The following KHDRBS2 variants were observed in gnomAD, a reference collection of about 807,000 sequenced individuals.
The protein encoded by KHDRBS2 is KH domain-containing, RNA-binding, signal transduction-associated protein 2.
In KHDRBS2, 26 loss-of-function variants were observed where a neutral mutation model predicts 44.3. That is an observed-to-expected ratio of 0.59 (90% CI 0.43 to 0.81). The LOEUF (loss-of-function observed/expected upper bound fraction) is 0.81, where lower values mean the gene tolerates loss of function less well. KHDRBS2 is among the 40% of genes least tolerant of loss of function. The probability of loss-of-function intolerance (pLI) is 0.00; values close to 1 mark genes in which losing one functional copy is unlikely to be tolerated. For synonymous variants in KHDRBS2, 194 were observed against 151.1 expected (o/e 1.28, Z -2.08); for missense variants, 476 against 433.1 (o/e 1.10, Z -0.88).
At chr6:62,077,691 G>A (rs576246877) in intron 2 of KHDRBS2, among the ~76,000 whole-genome samples, 34 of 151,920 alleles carry the variant, frequency 2.2e-4, no homozygotes, top group Non-Finnish European at 2.5e-4. Flanking sequence ...TTGAACTACC[G>A]CAGCAACTGA....
chr6:61,759,935 G>C (rs929500929), intron 6 of KHDRBS2, among the ~76,000 whole-genome samples: 4 of 152,126 alleles, frequency 2.6e-5, no homozygotes, highest in African/African-American at 9.7e-5. Context: ...TTAAAGGTCT[G>C]AGCCTTTGGG....
At chr6:61,775,808 G>T (rs1202663349) in intron 6 of KHDRBS2, among the ~76,000 whole-genome samples, 3 of 152,082 alleles carry the variant, frequency 2.0e-5, no homozygotes, top group Admixed American at 2.0e-4. Flanking sequence ...ATTTCATATG[G>T]AACCAAAATG....
intron 2 of KHDRBS2, among the ~76,000 whole-genome samples, chr6:62,151,243 CCTGATT>C (rs1249442613): frequency 6.6e-6 from 1 of 152,090 alleles, no homozygotes; most frequent in Non-Finnish European, 1.5e-5. Flanking sequence ...AAAACTTGCC[CCTGATT>C]AAGTGGCCAA....
At chr6:62,069,241 T>C (rs765691469) in intron 2 of KHDRBS2, among the ~76,000 whole-genome samples, 2 of 151,670 alleles carry the variant, frequency 1.3e-5, no homozygotes, top group Admixed American at 6.6e-5. Flanking sequence ...TTGTATATCA[T>C]ATGTGTTATA....
At chr6:61,665,287 C>G in the KHDRBS2 span, among the ~76,000 whole-genome samples, 2 of 151,404 alleles carry the variant, frequency 1.3e-5, no homozygotes, top group African/African-American at 4.8e-5. Flanking sequence ...ACATAAATCA[C>G]TGGTTTTAAA....
At chr6:61,861,577 CT>C (rs112714512) in intron 6 of KHDRBS2, among the ~76,000 whole-genome samples, 6 of 150,854 alleles carry the variant, frequency 4.0e-5, no homozygotes, top group African/African-American at 1.2e-4. Context: ...GTCTATGTGT[CT>C]TTTTTTTGTA....
At chr6:61,810,742 A>G (rs1328558537) in intron 6 of KHDRBS2, among the ~76,000 whole-genome samples, 2 of 152,108 alleles carry the variant, frequency 1.3e-5, no homozygotes, top group African/African-American at 2.4e-5. Flanking sequence ...GGGACTGAGA[A>G]TTGAATAAAA....
chr6:61,976,162 G>T (rs571680505), intron 4 of KHDRBS2, among the ~76,000 whole-genome samples: 33 of 152,072 alleles, frequency 2.2e-4, no homozygotes, highest in Non-Finnish European at 4.3e-4. Context: ...ATTTTACCTG[G>T]ATAGCTATTT....
chr6:62,156,414 G>C (rs1006511739), intron 2 of KHDRBS2, among the ~76,000 whole-genome samples: 21 of 151,990 alleles, frequency 1.4e-4, no homozygotes, highest in Admixed American at 1.3e-3. Flanking sequence ...GACTTAGATT[G>C]AACTAAAAGC....
intron 6 of KHDRBS2, among the ~76,000 whole-genome samples, chr6:61,771,251 A>G (rs1381969104): frequency 6.6e-6 from 1 of 152,224 alleles, no homozygotes; most frequent in African/African-American, 2.4e-5. Context: ...CGTAAAGACC[A>G]TCAAGGCTAG....
chr6:62,059,954 T>G (rs1449534961), intron 2 of KHDRBS2, among the ~76,000 whole-genome samples: 4 of 151,838 alleles, frequency 2.6e-5, no homozygotes, highest in Non-Finnish European at 5.9e-5. Context: ...TGCCTAACTA[T>G]GTGCAAGGTA....
At chr6:61,607,067 G>GA in the KHDRBS2 span, among the ~76,000 whole-genome samples, 16 of 151,684 alleles carry the variant, frequency 1.1e-4, no homozygotes, top group Non-Finnish European at 1.9e-4. Context: ...TAGAAAATAG[G>GA]AAAAAACTTC....
chr6:61,703,431 T>C (rs896089857), intron 7 of KHDRBS2, among the ~76,000 whole-genome samples: 1 of 151,866 alleles, frequency 6.6e-6, no homozygotes, highest in African/African-American at 2.4e-5. Context: ...ATGTGAGGGA[T>C]ATATATCTAA....
At chr6:61,564,343 A>T in the KHDRBS2 span, among the ~76,000 whole-genome samples, 1 of 152,100 alleles carries the variant, frequency 6.6e-6, no homozygotes, top group Non-Finnish European at 1.5e-5. Flanking sequence ...CAAACTGGGC[A>T]GAAATCCAGA....
At chr6:62,150,972 T>G (rs115571035) in intron 2 of KHDRBS2, among the ~76,000 whole-genome samples, 2,455 of 152,282 alleles carry the variant, frequency 0.016, 22 homozygotes, top group Non-Finnish European at 0.025. Context: ...GGACAATCTT[T>G]AAGCTTTACT....
intron 6 of KHDRBS2, among the ~76,000 whole-genome samples, chr6:61,876,332 A>C (rs1799405312): frequency 2.0e-5 from 3 of 152,080 alleles, no homozygotes; most frequent in Non-Finnish European, 4.4e-5. Flanking sequence ...AGGTTCTTTC[A>C]GAAGAAAACA....
At chr6:62,028,568 T>C (rs1228602146) in intron 3 of KHDRBS2, among the ~76,000 whole-genome samples, 5 of 152,054 alleles carry the variant, frequency 3.3e-5, no homozygotes, top group African/African-American at 4.8e-5. Flanking sequence ...AACCATGAAA[T>C]CTATATTTAC....
the KHDRBS2 span, among the ~76,000 whole-genome samples, chr6:61,586,415 A>C: frequency 1.3e-5 from 2 of 151,986 alleles, no homozygotes; most frequent in Non-Finnish European, 2.9e-5. Flanking sequence ...TTTCCACCTC[A>C]CTTCTGGGAC....
intron 6 of KHDRBS2, among the ~76,000 whole-genome samples, chr6:61,795,419 T>C (rs1318559569): frequency 6.6e-6 from 1 of 152,026 alleles, no homozygotes; most frequent in African/African-American, 2.4e-5. Context: ...AGCCAATAAC[T>C]TGATGGGAAC....
Sources: gnomAD v4.1 joint callset for allele counts (sites outside exome capture counted in the v4.1 genomes callset) on GRCh38, gnomAD v4.1.1 for gene constraint, MANE v1.5 for transcripts, NCBI Gene and HGNC (gene_info 2026-07-23, HGNC 2026-07-21) for gene names.